Variants in ST3GAL3 observed in about 807,000 individuals in gnomAD.
ST3GAL3 encodes CMP-N-acetylneuraminate-beta-1,4-galactoside alpha-2,3-sialyltransferase.
A neutral mutation model predicts 50.1 loss-of-function variants in ST3GAL3; 21 were observed. The ratio of observed to expected loss-of-function variants is 0.42; its 90% CI spans 0.30 to 0.60. The LOEUF is 0.60. Among genes scored for constraint, ST3GAL3 ranks in the 20% least tolerant of loss-of-function variants. The pLI, the probability that ST3GAL3 is intolerant of heterozygous loss-of-function variation, is 0.19. For missense variants in ST3GAL3, 353 were observed against 489.4 expected, an observed-to-expected ratio of 0.72 and a Z score of 2.63; for synonymous variants, 183 against 190.0, an observed-to-expected ratio of 0.96 and a Z score of 0.30.
chr1:43,740,301 T>G (rs907167467), intron 2 of ST3GAL3, among the ~76,000 whole-genome samples: 2 of 148,846 alleles, frequency 1.3e-5, no homozygotes, highest in Non-Finnish European at 3.0e-5. Flanking sequence ...AGGCAGAGGT[T>G]GCAGTGAGCC....
intron 3 of ST3GAL3, among the ~76,000 whole-genome samples, chr1:43,813,578 A>G (rs188321309): frequency 1.3e-5 from 2 of 152,266 alleles, no homozygotes; most frequent in African/African-American, 4.8e-5. Flanking sequence ...TGATATCTTC[A>G]ATTTTAAGAA....
chr1:43,891,955 T>A (rs1164659842), intron 5 of ST3GAL3, among the ~76,000 whole-genome samples: 43 of 152,346 alleles, frequency 2.8e-4, no homozygotes, highest in South Asian at 2.1e-4. Flanking sequence ...AGTCTTTTTT[T>A]AAATTTGAGA....
chr1:43,743,524 TTTAAGA>T (rs1274588045), intron 2 of ST3GAL3: 1 of 428,500 alleles, frequency 2.3e-6, no homozygotes, highest in Non-Finnish European at 4.7e-6. Flanking sequence ...TGTGGTGCAG[TTTAAGA>T]TTAAGAGGGA....
At chr1:43,876,726 A>G (rs1290722890) in intron 5 of ST3GAL3, among the ~76,000 whole-genome samples, 1 of 152,192 alleles carries the variant, frequency 6.6e-6, no homozygotes, top group Non-Finnish European at 1.5e-5. Context: ...CTGGATGGCC[A>G]TGGGGTGCTC....
intron 3 of ST3GAL3, among the ~76,000 whole-genome samples, chr1:43,814,266 A>C (rs1278167565): frequency 2.6e-5 from 4 of 152,208 alleles, no homozygotes; most frequent in African/African-American, 9.7e-5. Context: ...TTTGTACTCC[A>C]TACAATTTTA....
At chr1:43,815,706 C>T (rs1382802663) in intron 4 of ST3GAL3, among the ~76,000 whole-genome samples, 1 of 152,160 alleles carries the variant, frequency 6.6e-6, no homozygotes, top group East Asian at 1.9e-4. Flanking sequence ...TGACAATAAA[C>T]TTATTTCACA....
At chr1:43,817,271 G>A (rs1030235269) in intron 4 of ST3GAL3, among the ~76,000 whole-genome samples, 1 of 152,156 alleles carries the variant, frequency 6.6e-6, no homozygotes, top group African/African-American at 2.4e-5. Flanking sequence ...ATATGCCAAT[G>A]TAAGGCTTTC....
At chr1:43,861,764 C>CA (rs936754409) in intron 5 of ST3GAL3, among the ~76,000 whole-genome samples, 1 of 152,216 alleles carries the variant, frequency 6.6e-6, no homozygotes, top group African/African-American at 2.4e-5. Context: ...CACAGTGGCT[C>CA]ACGCCTGTAA....
intron 5 of ST3GAL3, among the ~76,000 whole-genome samples, chr1:43,890,331 G>T (rs2076526881): frequency 2.0e-5 from 3 of 152,294 alleles, no homozygotes; most frequent in Non-Finnish European, 4.4e-5. Context: ...GAAAATTGCT[G>T]AATCTGGGTG....
chr1:43,825,845 A>G (rs2062726557), intron 4 of ST3GAL3, among the ~76,000 whole-genome samples: 1 of 152,190 alleles, frequency 6.6e-6, no homozygotes, highest in Admixed American at 6.5e-5. Context: ...CAACAGAGAA[A>G]ATCAACAAAA....
chr1:43,723,827 G>A (rs879409137), intron 1 of ST3GAL3, among the ~76,000 whole-genome samples: 1 of 152,048 alleles, frequency 6.6e-6, no homozygotes, highest in Non-Finnish European at 1.5e-5. Flanking sequence ...GGCCAGGCTA[G>A]TCTCGAACTC....
At chr1:43,731,358 C>T (rs567548973) in intron 1 of ST3GAL3, among the ~76,000 whole-genome samples, 5 of 149,530 alleles carry the variant, frequency 3.3e-5, no homozygotes, top group East Asian at 2.0e-4. Flanking sequence ...ACTACAGGTG[C>T]GTGCCACCGC....
At chr1:43,731,292 A>G (rs902106515) in intron 1 of ST3GAL3, among the ~76,000 whole-genome samples, 2 of 151,686 alleles carry the variant, frequency 1.3e-5, no homozygotes, top group Non-Finnish European at 2.9e-5. Flanking sequence ...GCTCACTGCA[A>G]CCTCCGCCTG....
chr1:43,921,448 A>T lies in ST3GAL3; in HGVS notation c.1038+520A>T, dbSNP rs114719100. ...TGGCATTTCTCCCTCCCTAGCCAAG[A>T]CCCCATGTGGAAAATCTGAACCCTT... On this transcript the variant is annotated intron_variant, in intron 11 of 11. Transcript: ENST00000347631. The T allele has an allele frequency of 5.5e-3, 2,223 of 405,470 alleles. 50 individuals carry two copies. Among genetic ancestry groups the T allele is most frequent in the African/African-American group, 0.041 (2,021 of 48,796 alleles). 25.1% of individuals were successfully genotyped at this position (405,470 alleles called of 1,614,324 possible). A position where few individuals can be genotyped will look rare whatever the true frequency, so the allele number is the denominator to read the frequency against.
At chr1:43,708,025 C>G (rs946235032) in intron 1 of ST3GAL3, 1 of 152,394 alleles carries the variant, frequency 6.6e-6, no homozygotes, top group African/African-American at 2.4e-5. Flanking sequence ...CATTCGGGCC[C>G]TGCTGTGGGA....
At chr1:43,901,740 C>T (rs1221731071) in intron 9 of ST3GAL3, among the ~76,000 whole-genome samples, 2 of 152,202 alleles carry the variant, frequency 1.3e-5, no homozygotes, top group Non-Finnish European at 2.9e-5. Context: ...CTGTGTCCGT[C>T]CTGGCCACAC....
At chr1:43,860,658 T>C (rs1297913638) in intron 5 of ST3GAL3, among the ~76,000 whole-genome samples, 1 of 152,208 alleles carries the variant, frequency 6.6e-6, no homozygotes, top group Admixed American at 6.5e-5. Flanking sequence ...GCCATGCATC[T>C]GGATCCCAAG....
intron 2 of ST3GAL3, among the ~76,000 whole-genome samples, chr1:43,742,321 G>A (rs1482982951): frequency 6.6e-6 from 1 of 152,092 alleles, no homozygotes; most frequent in Non-Finnish European, 1.5e-5. Flanking sequence ...GCCCTAACAA[G>A]GCCTAAAGCC....
chr1:43,918,642 C>G (rs2154293691), intron 9 of ST3GAL3, among the ~76,000 whole-genome samples: 1 of 152,160 alleles, frequency 6.6e-6, no homozygotes, highest in Admixed American at 6.5e-5. Context: ...CCATAATATA[C>G]TGTAATACCT....
Sources: gnomAD v4.1 joint callset for allele counts (sites outside exome capture counted in the v4.1 genomes callset) on GRCh38, gnomAD v4.1.1 for gene constraint, MANE v1.5 for transcripts, NCBI Gene and HGNC (gene_info 2026-07-23, HGNC 2026-07-21) for gene names.